The following GRIA4 variants were observed in gnomAD, a reference collection of about 807,000 sequenced individuals.
GRIA4 encodes the protein glutamate receptor 4.
In GRIA4, 34 loss-of-function variants were observed where a neutral mutation model predicts 104.0. That is an observed-to-expected ratio of 0.33 (90% CI 0.25 to 0.44). The LOEUF is 0.44. GRIA4 is among the 20% of genes least tolerant of loss of function. The pLI is 1.00. For synonymous variants in GRIA4, 386 were observed against 381.9 expected (o/e 1.01, Z -0.13); for missense variants, 750 against 1,096.5 (o/e 0.68, Z 4.46).
intron 4 of GRIA4, among the ~76,000 whole-genome samples, chr11:105,861,700 T>A (rs1233846543): frequency 6.6e-6 from 1 of 152,166 alleles, no homozygotes; most frequent in Non-Finnish European, 1.5e-5. Flanking sequence ...ATGAAATTGC[T>A]ATTGACTACA....
chr11:105,805,545 C>G (rs1942918957), intron 4 of GRIA4, among the ~76,000 whole-genome samples: 1 of 143,920 alleles, frequency 6.9e-6, no homozygotes, highest in African/African-American at 2.6e-5. Flanking sequence ...TTTGGAATAA[C>G]TAAGGCAAAA....
intron 3 of GRIA4, among the ~76,000 whole-genome samples, chr11:105,644,147 A>T (rs542310324): frequency 6.6e-6 from 1 of 152,212 alleles, no homozygotes; most frequent in South Asian, 2.1e-4. Context: ...AACTCATCTA[A>T]TTTAAGGAGA....
chr11:105,822,105 C>T (rs904893810), intron 4 of GRIA4, among the ~76,000 whole-genome samples: 41 of 152,152 alleles, frequency 2.7e-4, no homozygotes, highest in Admixed American at 1.2e-3. Context: ...CCTTTGTAGA[C>T]GTAGGGTTAT....
chr11:105,687,453 G>C (rs572386579), intron 3 of GRIA4, among the ~76,000 whole-genome samples: 1 of 152,218 alleles, frequency 6.6e-6, no homozygotes, highest in African/African-American at 2.4e-5. Context: ...GACAGATGCT[G>C]AAGGGGCTTC....
chr11:105,697,346 T>C (rs1301968836), intron 3 of GRIA4, among the ~76,000 whole-genome samples: 1 of 152,094 alleles, frequency 6.6e-6, no homozygotes, highest in Non-Finnish European at 1.5e-5. Flanking sequence ...ATATGCCAAA[T>C]TTGCCTACAA....
intron 14 of GRIA4, among the ~76,000 whole-genome samples, chr11:105,944,619 A>G (rs1352976669): frequency 6.6e-6 from 1 of 152,132 alleles, no homozygotes; most frequent in African/African-American, 2.4e-5. Context: ...AATAACTACT[A>G]TGTAGCACAC....
At chr11:105,864,302 A>G (rs913735483) in intron 5 of GRIA4, among the ~76,000 whole-genome samples, 5 of 151,970 alleles carry the variant, frequency 3.3e-5, no homozygotes, top group African/African-American at 1.2e-4. Context: ...TCTTGGTTTT[A>G]CTCTTGGCTC....
At chr11:105,769,608 T>TG (rs1422410084) in intron 4 of GRIA4, among the ~76,000 whole-genome samples, 8 of 151,904 alleles carry the variant, frequency 5.3e-5, no homozygotes, top group African/African-American at 1.7e-4. Flanking sequence ...GTGCTCTAGA[T>TG]GGGGGGCAGG....
chr11:105,803,360 C>A (rs1388493991), intron 4 of GRIA4, among the ~76,000 whole-genome samples: 1 of 151,864 alleles, frequency 6.6e-6, no homozygotes, highest in African/African-American at 2.4e-5. Context: ...TTTAGATATT[C>A]TCTTGGCTAA....
chr11:105,628,039 T>C (rs1950932536), intron 3 of GRIA4, among the ~76,000 whole-genome samples: 1 of 152,006 alleles, frequency 6.6e-6, no homozygotes, highest in Non-Finnish European at 1.5e-5. Flanking sequence ...ATTGCAAGAT[T>C]AAAATAATAA....
At chr11:105,633,254 T>C (rs1951084785) in intron 3 of GRIA4, among the ~76,000 whole-genome samples, 1 of 152,232 alleles carries the variant, frequency 6.6e-6, no homozygotes. Context: ...AATGTGCATG[T>C]GTTTCACAGC....
chr11:105,966,118 T>C, intron 14 of GRIA4: 1 of 1,206,166 alleles, frequency 8.3e-7, no homozygotes, highest in Non-Finnish European at 1.2e-6. Context: ...TAGGTGCATC[T>C]GCTGGGAGAC....
intron 12 of GRIA4, among the ~76,000 whole-genome samples, chr11:105,926,365 T>C (rs1256761653): frequency 6.6e-6 from 1 of 152,148 alleles, no homozygotes; most frequent in Non-Finnish European, 1.5e-5. Context: ...TACTATATTT[T>C]ATCTCATCAA....
At chr11:105,885,370 C>G (rs1946217777) in intron 5 of GRIA4, among the ~76,000 whole-genome samples, 1 of 152,158 alleles carries the variant, frequency 6.6e-6, no homozygotes, top group African/African-American at 2.4e-5. Flanking sequence ...GTAAGATTCT[C>G]AAGGAAAGTT....
intron 7 of GRIA4, among the ~76,000 whole-genome samples, chr11:105,901,014 TTTGA>T (rs1288162599): frequency 4.6e-5 from 7 of 152,144 alleles, no homozygotes; most frequent in Non-Finnish European, 1.0e-4. Flanking sequence ...CTCCATAGTA[TTTGA>T]TTGGGCAATT....
chr11:105,849,694 A>T (rs904489541), intron 4 of GRIA4, among the ~76,000 whole-genome samples: 1 of 152,150 alleles, frequency 6.6e-6, no homozygotes, highest in South Asian at 2.1e-4. Flanking sequence ...CTCTCCCAGG[A>T]CTATTAAGCC....
chr11:105,685,818 A>G (rs978787938), intron 3 of GRIA4, among the ~76,000 whole-genome samples: 2 of 4,238 alleles, frequency 4.7e-4, no homozygotes, highest in Admixed American at 4.3e-3. Flanking sequence ...AGAGGCATCA[A>G]TCAAAAAAGT....
intron 3 of GRIA4, among the ~76,000 whole-genome samples, chr11:105,702,648 T>A (rs1953538965): frequency 6.6e-6 from 1 of 150,774 alleles, no homozygotes; most frequent in South Asian, 2.1e-4. Flanking sequence ...ACTTTTCACA[T>A]ATTAACACAT....
At chr11:105,861,999 T>C in intron 4 of GRIA4, 25 bp from the exon 5 acceptor site, 1 of 1,506,828 alleles carries the variant, frequency 6.6e-7, no homozygotes, top group Non-Finnish European at 9.2e-7. Context: ...AGCATGTTTT[T>C]AGTAACTTTT....
Sources: allele counts gnomAD v4.1 joint callset (sites outside exome capture counted in the v4.1 genomes callset), GRCh38; gene constraint gnomAD v4.1.1; transcripts MANE v1.5; gene names NCBI Gene and HGNC (gene_info 2026-07-23, HGNC 2026-07-21).